Variants in C12orf42 observed in about 807,000 individuals in gnomAD.
C12orf42 encodes the protein chromosome 12 open reading frame 42.
In C12orf42, 25 loss-of-function variants were observed where a neutral mutation model predicts 21.6. That is an observed-to-expected ratio of 1.16 (90% CI 0.84 to 1.62). The LOEUF is 1.62. Among genes scored for constraint, C12orf42 ranks in the 40% most tolerant of loss-of-function variants. C12orf42 has a pLI of 0.00. For synonymous variants in C12orf42, 174 were observed against 175.0 expected, an observed-to-expected ratio of 0.99 and a Z score of 0.05; for missense variants, 483 against 459.3, an observed-to-expected ratio of 1.05 and a Z score of -0.47.
chr12:103,126,664 TAA>T, the C12orf42 span, among the ~76,000 whole-genome samples: 8 of 134,012 alleles, frequency 6.0e-5, no homozygotes, highest in African/African-American at 8.3e-5. Flanking sequence ...TGAAGTTAAC[TAA>T]AAAAAAAAAA....
chr12:103,147,663 T>C, the C12orf42 span, among the ~76,000 whole-genome samples: 1 of 133,588 alleles, frequency 7.5e-6, no homozygotes, highest in South Asian at 2.4e-4. Context: ...CAGTAACTAC[T>C]ACACAAAGTT....
At chr12:103,494,826 G>A (rs1955408944) in intron 1 of C12orf42, among the ~76,000 whole-genome samples, 1 of 152,160 alleles carries the variant, frequency 6.6e-6, no homozygotes, top group African/African-American at 2.4e-5. Flanking sequence ...GGTAAAGAAG[G>A]GAGGGGGTGT....
intron 3 of C12orf42, among the ~76,000 whole-genome samples, chr12:103,377,500 C>T (rs529780391): frequency 1.8e-3 from 271 of 152,066 alleles, no homozygotes; most frequent in African/African-American, 6.1e-3. Flanking sequence ...TTTACCAGAC[C>T]GGTAACATTC....
chr12:103,084,876 C>T, the C12orf42 span, among the ~76,000 whole-genome samples: 1 of 151,878 alleles, frequency 6.6e-6, no homozygotes, highest in South Asian at 2.1e-4. Flanking sequence ...TATGTGGTGC[C>T]CTGGGAAGGC....
chr12:103,401,801 C>A (rs1221433582), intron 2 of C12orf42, 126 bp from the exon 3 acceptor site: 2 of 850,808 alleles, frequency 2.4e-6, no homozygotes, highest in Non-Finnish European at 3.7e-6. Flanking sequence ...TGTTCATTCA[C>A]TGAGTACCCG....
At chr12:103,313,964 A>G (rs975813475) in intron 4 of C12orf42, among the ~76,000 whole-genome samples, 27 of 152,228 alleles carry the variant, frequency 1.8e-4, no homozygotes, top group African/African-American at 5.3e-4. Context: ...GGCCACAGTT[A>G]CATGGTTATA....
At chr12:103,341,220 G>A (rs2042145331) in intron 4 of C12orf42, among the ~76,000 whole-genome samples, 1 of 151,868 alleles carries the variant, frequency 6.6e-6, no homozygotes, top group East Asian at 1.9e-4. Context: ...CAGGCATGGT[G>A]GCACATGCCT....
chr12:103,272,586 T>C (rs755042328), intron 5 of C12orf42, among the ~76,000 whole-genome samples: 4 of 152,204 alleles, frequency 2.6e-5, no homozygotes, highest in African/African-American at 4.8e-5. Flanking sequence ...TATTTTCTAA[T>C]GCACTCCCTC....
chr12:103,551,446 G>A, the C12orf42 span, among the ~76,000 whole-genome samples: 33,567 of 152,100 alleles, frequency 0.22, 3,917 homozygotes, highest in South Asian at 0.38. Context: ...GAGGCTAGGA[G>A]TTCGAGGCTG....
At chr12:103,472,510 C>G (rs902104358) in intron 2 of C12orf42, among the ~76,000 whole-genome samples, 1 of 152,078 alleles carries the variant, frequency 6.6e-6, no homozygotes, top group African/African-American at 2.4e-5. Context: ...ACAGAACAAC[C>G]CTGGCCACAG....
chr12:103,096,618 T>C, the C12orf42 span, among the ~76,000 whole-genome samples: 1 of 152,218 alleles, frequency 6.6e-6, no homozygotes, highest in East Asian at 1.9e-4. Flanking sequence ...GGCAATTCCA[T>C]AAAGATTTTT....
intron 1 of C12orf42, among the ~76,000 whole-genome samples, chr12:103,482,360 T>G (rs2138074201): frequency 6.6e-6 from 1 of 152,258 alleles, no homozygotes; most frequent in South Asian, 2.1e-4. Flanking sequence ...TCAGTCCACT[T>G]AAGGTATTAT....
At chr12:103,186,789 C>T in the C12orf42 span, among the ~76,000 whole-genome samples, 1 of 152,144 alleles carries the variant, frequency 6.6e-6, no homozygotes, top group East Asian at 1.9e-4. Flanking sequence ...TTCCACCAGT[C>T]TACTCCTCAT....
At chr12:103,469,160 G>C (rs1235229894) in intron 2 of C12orf42, among the ~76,000 whole-genome samples, 1 of 152,210 alleles carries the variant, frequency 6.6e-6, no homozygotes, top group African/African-American at 2.4e-5. Flanking sequence ...GTGTTAAAGG[G>C]AGCAGGGAGC....
the C12orf42 span, among the ~76,000 whole-genome samples, chr12:103,216,387 T>C: frequency 6.6e-6 from 1 of 151,856 alleles, no homozygotes; most frequent in Admixed American, 6.6e-5. Context: ...TTTTTTTTTT[T>C]TGAGACAGAG....
chr12:103,050,105 T>C, the C12orf42 span, among the ~76,000 whole-genome samples: 1 of 152,110 alleles, frequency 6.6e-6, no homozygotes, highest in African/African-American at 2.4e-5. Context: ...TGGCACAGAG[T>C]AGCCCATCAG....
At chr12:103,227,194 G>A in the C12orf42 span, among the ~76,000 whole-genome samples, 8 of 152,030 alleles carry the variant, frequency 5.3e-5, no homozygotes, top group East Asian at 1.9e-4. Context: ...AGAGAGTAGA[G>A]AAATGGAGGG....
At chr12:103,447,249 C>T (rs542274140) in intron 2 of C12orf42, among the ~76,000 whole-genome samples, 1 of 151,968 alleles carries the variant, frequency 6.6e-6, no homozygotes, top group East Asian at 1.9e-4. Context: ...AAATAACCTG[C>T]TCCTGAATGA....
At chr12:103,198,508 T>C in the C12orf42 span, among the ~76,000 whole-genome samples, 1 of 152,204 alleles carries the variant, frequency 6.6e-6, no homozygotes, top group Non-Finnish European at 1.5e-5. Context: ...ATGGTGATCC[T>C]TGTGAGATGG....
Sources: allele counts gnomAD v4.1 joint callset (sites outside exome capture counted in the v4.1 genomes callset), GRCh38; gene constraint gnomAD v4.1.1; transcripts MANE v1.5; gene names NCBI Gene and HGNC (gene_info 2026-07-23, HGNC 2026-07-21).